HHAT: variants seen among roughly 807,000 people sequenced by gnomAD.
The protein encoded by HHAT is hedgehog acyltransferase, also known as protein-cysteine N-palmitoyltransferase HHAT.
In HHAT, 47 loss-of-function variants were observed where a neutral mutation model predicts 70.8. The ratio of observed to expected loss-of-function variants is 0.66; its 90% CI spans 0.53 to 0.85. The LOEUF (loss-of-function observed/expected upper bound fraction) is 0.85, where lower values mean the gene tolerates loss of function less well. HHAT is among the 40% of genes least tolerant of loss of function. The pLI, the probability that HHAT is intolerant of heterozygous loss-of-function variation, is 0.00. For missense variants in HHAT, 609 were observed against 604.8 expected, an observed-to-expected ratio of 1.01 and a Z score of -0.07; for synonymous variants, 228 against 247.6, an observed-to-expected ratio of 0.92 and a Z score of 0.74.
At chr1:210,486,822 A>G (rs2094479073) in intron 8 of HHAT, among the ~76,000 whole-genome samples, 1 of 152,104 alleles carries the variant, frequency 6.6e-6, no homozygotes, top group Admixed American at 6.6e-5. Context: ...TGGCTTGAGC[A>G]ATGGGCAGGT....
intron 11 of HHAT, among the ~76,000 whole-genome samples, chr1:210,655,160 C>T (rs1369522735): frequency 6.6e-6 from 1 of 152,186 alleles, no homozygotes; most frequent in Non-Finnish European, 1.5e-5. Flanking sequence ...ACAATTAACC[C>T]CATGTAAAGA....
chr1:210,479,106 A>T (rs186005295), intron 8 of HHAT, among the ~76,000 whole-genome samples: 1 of 152,280 alleles, frequency 6.6e-6, no homozygotes, highest in African/African-American at 2.4e-5. Context: ...CACTGAACAG[A>T]GTGTCCCCTA....
intron 9 of HHAT, among the ~76,000 whole-genome samples, chr1:210,566,013 A>C (rs1654647157): frequency 6.6e-6 from 1 of 152,158 alleles, no homozygotes; most frequent in Non-Finnish European, 1.5e-5. Context: ...TGCTGTCATC[A>C]GGAGTTTCTA....
intron 4 of HHAT, among the ~76,000 whole-genome samples, chr1:210,389,878 T>C (rs2091336878): frequency 6.6e-6 from 1 of 152,182 alleles, no homozygotes; most frequent in African/African-American, 2.4e-5. Flanking sequence ...TATTGCCACA[T>C]TGGGGATTAA....
intron 6 of HHAT, among the ~76,000 whole-genome samples, chr1:210,406,944 G>A (rs181126515): frequency 1.3e-5 from 2 of 152,150 alleles, no homozygotes; most frequent in East Asian, 1.9e-4. Context: ...TAAAACAATA[G>A]CAATTGCTGA....
At chr1:210,346,781 C>A (rs1463391993) in intron 1 of HHAT, among the ~76,000 whole-genome samples, 1 of 152,214 alleles carries the variant, frequency 6.6e-6, no homozygotes, top group Non-Finnish European at 1.5e-5. Context: ...CTAAGCCAGG[C>A]TCTAAGTCTG....
rs1005183760 is a variant in HHAT at position 210,589,237 on chromosome 1, A to G, written c.1245+1138A>G. The G allele has an allele frequency of 4.6e-5, 7 of 152,242 alleles. No individual in the cohort carries two copies. The East Asian group carries it at 1.2e-3, about 25-fold the overall frequency. The allele number at this position is 152,242 out of a possible 1,614,324, so 9.4% of individuals were successfully genotyped here. On this transcript the variant is annotated intron_variant, in intron 10 of 11. Transcript: ENST00000261458. ...AGAATACATTTACATATGTTTTTAT[A>G]AAGATAGCCATAGTACAAGTGGACA...
At chr1:210,513,007 G>C in intron 8 of HHAT, 146 bp from the exon 9 acceptor site, 1 of 557,394 alleles carries the variant, frequency 1.8e-6, no homozygotes, top group South Asian at 2.2e-5. Context: ...GAATGCTGCT[G>C]CTCCAGCAGC....
chr1:210,403,957 G>A (rs1260084261), intron 5 of HHAT, among the ~76,000 whole-genome samples: 1 of 135,228 alleles, frequency 7.4e-6, no homozygotes, highest in Non-Finnish European at 1.6e-5. Flanking sequence ...TTAAATATTT[G>A]TCTGTAAAGC....
chr1:210,513,443 A>G (rs1458920322), intron 9 of HHAT, among the ~76,000 whole-genome samples: 1 of 152,200 alleles, frequency 6.6e-6, no homozygotes, highest in Non-Finnish European at 1.5e-5. Flanking sequence ...AATTCCAACT[A>G]CTAGGCTGCT....
chr1:210,615,656 G>T (rs1667540834), intron 10 of HHAT, among the ~76,000 whole-genome samples: 1 of 152,226 alleles, frequency 6.6e-6, no homozygotes, highest in African/African-American at 2.4e-5. Context: ...CCTTCTAACA[G>T]TCAGGACCCT....
Position 210,373,861 on chromosome 1 carries a change from G to A in HHAT, c.159+10942G>A, listed in dbSNP as rs1165936874. Reference sequence around the variant, plus strand: ...GGCAACCAGAAATTCTCCCAACTATGTGGCTGAGTTTAGGATCTTAAAGGC... The same window carrying A: ...GGCAACCAGAAATTCTCCCAACTATATGGCTGAGTTTAGGATCTTAAAGGC... On this transcript the variant is annotated intron_variant, in intron 3 of 11. Coordinates refer to ENST00000261458, the MANE Select transcript of HHAT (RefSeq NM_018194.6). 2.0e-5 allele frequency among the ~76,000 whole-genome samples: 3 copies of A among 152,184 alleles called. 1 individual carries two copies. The highest frequency in any genetic ancestry group is 7.2e-5 in the African/African-American group (3 of 41,428).
chr1:210,340,586 A>T (rs2085953405), intron 1 of HHAT, among the ~76,000 whole-genome samples: 1 of 152,128 alleles, frequency 6.6e-6, no homozygotes, highest in African/African-American at 2.4e-5. Flanking sequence ...ATAACTGCTG[A>T]CTTTCCCCTC....
At chr1:210,453,712 G>A (rs1453896198) in intron 7 of HHAT, among the ~76,000 whole-genome samples, 1 of 152,148 alleles carries the variant, frequency 6.6e-6, no homozygotes, top group Middle Eastern at 3.2e-3. Flanking sequence ...ATACTTTGAG[G>A]GGGGTAATTA....
chr1:210,445,021 G>A (rs1296773199), intron 7 of HHAT, among the ~76,000 whole-genome samples: 1 of 151,982 alleles, frequency 6.6e-6, no homozygotes, highest in South Asian at 2.1e-4. Context: ...TGTATTTTTA[G>A]TAGAGACGGG....
chr1:210,347,173 C>T (rs1055829038), intron 1 of HHAT, among the ~76,000 whole-genome samples: 17 of 152,184 alleles, frequency 1.1e-4, no homozygotes, highest in African/African-American at 3.9e-4. Context: ...CCACTTCCCC[C>T]GCCCCAGCCC....
At chr1:210,632,848 T>C (rs934296974) in intron 11 of HHAT, among the ~76,000 whole-genome samples, 1 of 152,094 alleles carries the variant, frequency 6.6e-6, no homozygotes, top group Non-Finnish European at 1.5e-5. Flanking sequence ...AATACTGAGA[T>C]AGACATGCAC....
intron 8 of HHAT, among the ~76,000 whole-genome samples, chr1:210,495,044 G>A (rs972433746): frequency 6.6e-6 from 1 of 151,958 alleles, no homozygotes; most frequent in Admixed American, 6.6e-5. Context: ...GAGGACCAAG[G>A]ACCAATGAGC....
chr1:210,504,188 A>G (rs2094811237), intron 8 of HHAT, among the ~76,000 whole-genome samples: 1 of 152,214 alleles, frequency 6.6e-6, no homozygotes, highest in Admixed American at 6.5e-5. Context: ...GCTGTATCCT[A>G]AGCATCTCTT....
Sources: allele counts gnomAD v4.1 joint callset (sites outside exome capture counted in the v4.1 genomes callset), GRCh38; gene constraint gnomAD v4.1.1; transcripts MANE v1.5; gene names NCBI Gene and HGNC (gene_info 2026-07-23, HGNC 2026-07-21).